DCLK2: variants seen among roughly 807,000 people sequenced by gnomAD.
DCLK2 encodes serine/threonine-protein kinase DCLK2.
Under a neutral mutation model 78.4 loss-of-function variants are expected in DCLK2, and 31 were observed. The ratio of observed to expected loss-of-function variants is 0.40; its 90% CI spans 0.30 to 0.53. The LOEUF is 0.53. Among genes scored for constraint, DCLK2 ranks in the 20% least tolerant of loss-of-function variants. The probability of loss-of-function intolerance (pLI) is 0.61; values close to 1 mark genes in which losing one functional copy is unlikely to be tolerated. For missense variants in DCLK2, 872 were observed against 973.7 expected (o/e 0.90, Z 1.39); for synonymous variants, 407 against 374.9 (o/e 1.09, Z -0.99).
intron 2 of DCLK2, among the ~76,000 whole-genome samples, chr4:150,116,257 C>T (rs1371663379): frequency 6.6e-6 from 1 of 152,140 alleles, no homozygotes; most frequent in East Asian, 1.9e-4. Context: ...GGGAGAAGCC[C>T]CTGCTGTGTC....
chr4:150,252,933 C>T (rs561036415), intron 15 of DCLK2, among the ~76,000 whole-genome samples: 13 of 152,262 alleles, frequency 8.5e-5, no homozygotes, highest in African/African-American at 2.4e-4. Flanking sequence ...CACCCATTCT[C>T]GATGGCCAAA....
intron 2 of DCLK2, among the ~76,000 whole-genome samples, chr4:150,112,650 T>C (rs928115369): frequency 6.6e-6 from 1 of 152,144 alleles, no homozygotes; most frequent in African/African-American, 2.4e-5. Flanking sequence ...CATAAAAGGA[T>C]GCTGGCTTTT....
At chr4:150,113,427 A>G (rs1731845488) in intron 2 of DCLK2, among the ~76,000 whole-genome samples, 1 of 146,982 alleles carries the variant, frequency 6.8e-6, no homozygotes, top group African/African-American at 2.5e-5. Flanking sequence ...CAGTCTCACT[A>G]CTAGTTACTG....
chr4:150,173,907 C>T (rs191480165), intron 2 of DCLK2, among the ~76,000 whole-genome samples: 10 of 152,060 alleles, frequency 6.6e-5, no homozygotes, highest in Non-Finnish European at 1.0e-4. Flanking sequence ...TATTTGACAA[C>T]GATTTTGATG....
chr4:150,197,986 T>A lies in DCLK2; in HGVS notation c.860-16T>A, dbSNP rs1436572851. On this transcript the variant is annotated splice_polypyrimidine_tract_variant and intron_variant, in intron 3 of 15. Transcript: ENST00000296550. Reference sequence around the variant, plus strand: ...TTAAAACCAGATTTAGTTAATGCACTTTTGTTCTTTTCTAGAATGTCGTGT... The same window carrying A: ...TTAAAACCAGATTTAGTTAATGCACATTTGTTCTTTTCTAGAATGTCGTGT... 2 of 1,601,532 alleles carry A rather than the reference T, an allele frequency of 1.2e-6. No homozygotes were observed. Among genetic ancestry groups the A allele is most frequent in the Admixed American group, 3.5e-5 (2 of 56,762 alleles).
chr4:150,117,468 C>T (rs1314842506), intron 2 of DCLK2, among the ~76,000 whole-genome samples: 2 of 152,198 alleles, frequency 1.3e-5, no homozygotes, highest in Non-Finnish European at 2.9e-5. Context: ...GGCTGCAGCA[C>T]ACTTCCCACT....
chr4:150,139,273 A>G (rs1314797958), intron 2 of DCLK2, among the ~76,000 whole-genome samples: 1 of 152,244 alleles, frequency 6.6e-6, no homozygotes, highest in East Asian at 1.9e-4. Flanking sequence ...CTAGCAAAGA[A>G]CTTAAGATAT....
intron 5 of DCLK2, among the ~76,000 whole-genome samples, chr4:150,209,142 T>C (rs376018121): frequency 2.2e-4 from 33 of 152,366 alleles, no homozygotes; most frequent in African/African-American, 7.5e-4. Flanking sequence ...AAATTAGTTA[T>C]TAAAGGCTAA....
intron 2 of DCLK2, among the ~76,000 whole-genome samples, chr4:150,147,507 G>A (rs902884415): frequency 4.6e-5 from 7 of 152,138 alleles, no homozygotes; most frequent in African/African-American, 1.2e-4. Context: ...GTAAGAAAGT[G>A]CAAGCATCAA....
At chr4:150,209,160 C>T (rs1365496569) in intron 5 of DCLK2, among the ~76,000 whole-genome samples, 2 of 152,240 alleles carry the variant, frequency 1.3e-5, no homozygotes, top group East Asian at 3.9e-4. Context: ...TAACGCCATC[C>T]AGCAGGTCCC....
At chr4:150,109,475 C>G (rs545804774) in intron 2 of DCLK2, among the ~76,000 whole-genome samples, 9 of 152,114 alleles carry the variant, frequency 5.9e-5, no homozygotes, top group Non-Finnish European at 1.2e-4. Flanking sequence ...GCTGAGATTA[C>G]AGGCACGTGC....
At chr4:150,212,687 G>C (rs1200540488) in intron 5 of DCLK2, among the ~76,000 whole-genome samples, 2 of 152,160 alleles carry the variant, frequency 1.3e-5, no homozygotes, top group Non-Finnish European at 2.9e-5. Flanking sequence ...GGTGCACTTG[G>C]GAAGTAAATG....
chr4:150,177,823 C>G (rs1737200698), intron 2 of DCLK2, among the ~76,000 whole-genome samples: 1 of 152,150 alleles, frequency 6.6e-6, no homozygotes, highest in African/African-American at 2.4e-5. Flanking sequence ...ACACATACCT[C>G]TATAATATGA....
At chr4:150,151,885 A>T (rs1335996136) in intron 2 of DCLK2, among the ~76,000 whole-genome samples, 1 of 151,944 alleles carries the variant, frequency 6.6e-6, no homozygotes, top group African/African-American at 2.4e-5. Context: ...AGATTGCACC[A>T]CTGCACTCCA....
At chr4:150,203,758 A>C in intron 4 of DCLK2, 37 bp from the exon 5 acceptor site, 1 of 1,546,828 alleles carries the variant, frequency 6.5e-7, no homozygotes, top group Non-Finnish European at 8.9e-7. Flanking sequence ...TGTGGGTTTT[A>C]ATGGGACTTC....
chr4:150,227,103 CA>C (rs1405509039), intron 8 of DCLK2, among the ~76,000 whole-genome samples: 2 of 152,074 alleles, frequency 1.3e-5, no homozygotes, highest in Non-Finnish European at 2.9e-5. Flanking sequence ...AAATAGCTTC[CA>C]AAAAAGTCAC....
At chr4:150,121,383 G>C (rs1010069669) in intron 2 of DCLK2, among the ~76,000 whole-genome samples, 3 of 152,196 alleles carry the variant, frequency 2.0e-5, no homozygotes, top group African/African-American at 7.2e-5. Context: ...TATTCCAGGA[G>C]TAGATTCCAC....
chr4:150,138,465 A>G (rs1203408518), intron 2 of DCLK2, among the ~76,000 whole-genome samples: 1 of 152,164 alleles, frequency 6.6e-6, no homozygotes, highest in African/African-American at 2.4e-5. Flanking sequence ...AAAATTTAGC[A>G]AGGCATGGTG....
intron 3 of DCLK2, among the ~76,000 whole-genome samples, chr4:150,194,523 C>A (rs963118824): frequency 6.6e-6 from 1 of 152,142 alleles, no homozygotes; most frequent in Non-Finnish European, 1.5e-5. Context: ...ATAATAATCT[C>A]AACTATTTCA....
Sources: gnomAD v4.1 joint callset for allele counts (sites outside exome capture counted in the v4.1 genomes callset) on GRCh38, gnomAD v4.1.1 for gene constraint, MANE v1.5 for transcripts, NCBI Gene and HGNC (gene_info 2026-07-23, HGNC 2026-07-21) for gene names.